Variants in TXN observed in about 807,000 individuals in gnomAD.
The protein encoded by TXN is thioredoxin.
Under a neutral mutation model 16.5 loss-of-function variants are expected in TXN, and 10 were observed. The ratio of observed to expected loss-of-function variants is 0.61; its 90% CI spans 0.37 to 1.03. TXN has a LOEUF of 1.03. Ranked by LOEUF, TXN falls within the 50% of genes least tolerant of loss-of-function variation. The probability of loss-of-function intolerance (pLI) is 0.01; values close to 1 mark genes in which losing one functional copy is unlikely to be tolerated. For synonymous variants in TXN, 35 were observed against 39.4 expected (o/e 0.89, Z 0.42); for missense variants, 71 against 122.5 (o/e 0.58, Z 1.98).
intron 3 of TXN, among the ~76,000 whole-genome samples, chr9:110,247,094 G>A (rs1168494136): frequency 1.3e-5 from 2 of 152,160 alleles, no homozygotes; most frequent in African/African-American, 2.4e-5. Context: ...AGGCCAAGAC[G>A]GGTGGATCAC....
In TXN at chr9:110,243,818, A is replaced by T. The variant is rs1837609534; in HGVS notation, c.*339T>A. On this transcript the variant is annotated 3_prime_UTR_variant, in exon 5 of 5. Transcript: ENST00000374517. ...TTTTCTCTGTCAAAAGATAACAAATAACAACATACTACTTTATTACCTGCA... is the reference window on the plus strand; with the variant it reads ...TTTTCTCTGTCAAAAGATAACAAATTACAACATACTACTTTATTACCTGCA... 1 of 156,046 alleles carries T rather than the reference A, an allele frequency of 6.4e-6. No homozygotes were observed. Among genetic ancestry groups the T allele is most frequent in the Non-Finnish European group, 1.4e-5 (1 of 70,684 alleles). 9.7% of individuals were successfully genotyped at this position (156,046 alleles called of 1,614,324 possible). A position where few individuals can be genotyped will look rare whatever the true frequency, so the allele number is the denominator to read the frequency against.
intron 3 of TXN, among the ~76,000 whole-genome samples, chr9:110,245,654 A>ATATT (rs1232332404): frequency 2.8e-4 from 6 of 21,784 alleles, no homozygotes; most frequent in East Asian, 2.6e-3. Flanking sequence ...ATATATATAT[A>ATATT]TTTTTTTTTT....
At chr9:110,246,322 T>C (rs1479089639) in intron 3 of TXN, among the ~76,000 whole-genome samples, 1 of 152,194 alleles carries the variant, frequency 6.6e-6, no homozygotes, top group East Asian at 1.9e-4. Flanking sequence ...TAAAGATTTT[T>C]CTACAGCTCA....
chr9:110,251,796 C>T (rs1048901176), intron 1 of TXN, among the ~76,000 whole-genome samples: 2 of 151,972 alleles, frequency 1.3e-5, no homozygotes, highest in African/African-American at 2.4e-5. Context: ...TAAAAATAGA[C>T]ATTTGTATTA....
Position 110,245,639 on chromosome 9 carries a change from TATATATA to T in TXN, c.190-803_190-797del, listed in dbSNP as rs1564367411. Reference sequence around the variant, plus strand: ...CACACTATATATATATATATATATATATATATATATATATATTTTTTTTTTTTTTTTT... The same window carrying T: ...CACACTATATATATATATATATATATTATATATATTTTTTTTTTTTTTTTT... On this transcript the variant is annotated intron_variant, in intron 3 of 4. Coordinates refer to ENST00000374517, the MANE Select transcript of TXN (RefSeq NM_003329.4). 1.6e-4 allele frequency among the ~76,000 whole-genome samples: 5 copies of T among 30,662 alleles called. 1 individual carries two copies. Among genetic ancestry groups the T allele is most frequent in the African/African-American group, 7.5e-4 (5 of 6,698 alleles). 20.1% of individuals were successfully genotyped at this position (30,662 alleles called of 152,430 possible). A position where few individuals can be genotyped will look rare whatever the true frequency, so the allele number is the denominator to read the frequency against.
chr9:110,245,677 G>A, intron 3 of TXN, among the ~76,000 whole-genome samples: 1 of 60,732 alleles, frequency 1.6e-5, no homozygotes, highest in Non-Finnish European at 3.1e-5. Context: ...TTTTTTTATA[G>A]GGACAAGGTC....
At chr9:110,245,892 C>T (rs551407540) in intron 3 of TXN, among the ~76,000 whole-genome samples, 5 of 151,534 alleles carry the variant, frequency 3.3e-5, no homozygotes, top group Admixed American at 2.0e-4. Context: ...CGGAGAAACC[C>T]CATCTCTACT....
intron 3 of TXN, among the ~76,000 whole-genome samples, chr9:110,246,661 T>A (rs1375619477): frequency 3.3e-5 from 5 of 152,158 alleles, no homozygotes; most frequent in Non-Finnish European, 1.5e-5. Flanking sequence ...ACAAACACTA[T>A]GACGACCTCT....
At chr9:110,249,815 A>AT (rs1470779869) in intron 3 of TXN, among the ~76,000 whole-genome samples, 1 of 152,188 alleles carries the variant, frequency 6.6e-6, no homozygotes, top group Non-Finnish European at 1.5e-5. Flanking sequence ...TGGGAGGTTG[A>AT]TGGGGCAGGT....
chr9:110,250,192 TATAAAATGGGGATG>T (rs1467870166), intron 3 of TXN, among the ~76,000 whole-genome samples: 3 of 152,252 alleles, frequency 2.0e-5, no homozygotes, highest in Admixed American at 6.5e-5. Flanking sequence ...TTTTCTCATC[TATAAAATGGGGATG>T]ATAACAGCAC....
chr9:110,244,295 G>T, intron 4 of TXN, 76 bp from the exon 5 acceptor site: 1 of 363,128 alleles, frequency 2.8e-6, no homozygotes, highest in Non-Finnish European at 4.4e-6. Flanking sequence ...GTATAAATAT[G>T]TATTTATATA....
intron 3 of TXN, among the ~76,000 whole-genome samples, chr9:110,246,812 T>C (rs1400381398): frequency 6.6e-6 from 1 of 152,014 alleles, no homozygotes; most frequent in African/African-American, 2.4e-5. Context: ...ATAAAAATGG[T>C]GAATGTTTAT....
At chr9:110,250,989 A>G (rs190186728) in intron 2 of TXN, 110 bp from the exon 3 acceptor site, 22 of 795,850 alleles carry the variant, frequency 2.8e-5, no homozygotes, top group Middle Eastern at 3.8e-4. Flanking sequence ...CTAATTAAAG[A>G]TCCAAAAATT....
At chr9:110,245,636 ATATATATATATATATATATTTT>A (rs1446401518) in intron 3 of TXN, among the ~76,000 whole-genome samples, 1 of 25,612 alleles carries the variant, frequency 3.9e-5, no homozygotes, top group Non-Finnish European at 7.1e-5. Flanking sequence ...ATATATATAT[ATATATATATATATATATATTTT>A]TTTTTTTTTT....
At chr9:110,254,610 T>C (rs1021216261) in intron 1 of TXN, among the ~76,000 whole-genome samples, 1 of 152,248 alleles carries the variant, frequency 6.6e-6, no homozygotes, top group African/African-American at 2.4e-5. Context: ...ATTAATTGAT[T>C]ATCAGGGCCT....
rs771282320 is a variant in TXN, at chr9:110,251,429, C to T, written c.58G>A (p.Asp20Asn). 6.2e-7 allele frequency: 1 copy of T among 1,612,140 alleles called. No individual in the cohort carries two copies. Among genetic ancestry groups the T allele is most frequent in the Non-Finnish European group, 8.5e-7 (1 of 1,179,828 alleles). ...GAGAAGTCAACTACTACAAGTTTAT[C>T]ACCTGCAGCGTCCAAGGCTTCCTGA... ...AFQEALDAAG[D>N]KLVVVDFSAT... Residue 20 changes from aspartate (D) to asparagine (N), a missense_variant, in exon 2 of 5, where the codon GAT becomes AAT. Coordinates refer to ENST00000374517, the MANE Select transcript of TXN (RefSeq NM_003329.4).
intron 3 of TXN, among the ~76,000 whole-genome samples, chr9:110,246,063 G>T (rs4135214): frequency 6.6e-6 from 1 of 150,502 alleles, no homozygotes; most frequent in Non-Finnish European, 1.5e-5. Context: ...AGACTATCTC[G>T]GGAGGAAAAA....
chr9:110,244,731 G>T, intron 4 of TXN, 47 bp downstream of exon 4: 2 of 1,468,810 alleles, frequency 1.4e-6, no homozygotes, highest in Non-Finnish European at 1.9e-6. Flanking sequence ...CACTTATACT[G>T]GGTTTCCTAT....
intron 3 of TXN, among the ~76,000 whole-genome samples, chr9:110,249,596 G>A (rs138533637): frequency 2.1e-4 from 32 of 152,260 alleles, no homozygotes; most frequent in African/African-American, 4.6e-4. Flanking sequence ...GAGTTAGTCA[G>A]GTAGGAAAGG....
Sources: allele counts gnomAD v4.1 joint callset (sites outside exome capture counted in the v4.1 genomes callset), GRCh38; gene constraint gnomAD v4.1.1; transcripts MANE v1.5; gene names NCBI Gene and HGNC (gene_info 2026-07-23, HGNC 2026-07-21).